Variants in KIF21A observed in about 807,000 individuals in gnomAD.
The protein encoded by KIF21A is kinesin-like protein KIF21A.
A neutral mutation model predicts 202.9 loss-of-function variants in KIF21A; 114 were observed. That is an observed-to-expected ratio of 0.56 (90% CI 0.48 to 0.66). KIF21A has a LOEUF of 0.66. KIF21A is among the 30% of genes least tolerant of loss of function. The pLI is 0.00. For missense variants in KIF21A, 1,677 were observed against 1,994.9 expected (o/e 0.84, Z 3.04); for synonymous variants, 667 against 670.8 (o/e 0.99, Z 0.09).
rs1946580766 is a variant in KIF21A at position 39,332,403 on chromosome 12, C to G, written c.2862G>C (p.Arg954=). The G allele has an allele frequency of 5.0e-6, 8 of 1,613,554 alleles. No homozygotes were observed. In the South Asian group the frequency reaches 8.8e-5, roughly 18 times the overall value. Residue 954 remains arginine (R), a synonymous_variant, in exon 21 of 38, where the codon CGG becomes CGC. Transcript: ENST00000361418. ...EADMNRLLKQ[R]EELTKRREKL... is the part of the protein sequence containing the mutation. ...TCTCTCGTCTTTTTGTGAGTTCCTC[C>G]CGTTGCTATTGAGAAAGCAGGTTGG...
intron 1 of KIF21A, among the ~76,000 whole-genome samples, chr12:39,370,650 A>C (rs1186091859): frequency 6.6e-6 from 1 of 152,094 alleles, no homozygotes; most frequent in Non-Finnish European, 1.5e-5. Flanking sequence ...CAGTGATGAT[A>C]GTATGGAAAA....
At chr12:39,315,062 A>C (rs1440814625) in intron 31 of KIF21A, among the ~76,000 whole-genome samples, 167 bp downstream of exon 31, 1 of 152,030 alleles carries the variant, frequency 6.6e-6, no homozygotes, top group African/African-American at 2.4e-5. Flanking sequence ...ACATTTTGAA[A>C]TATAAAATCA....
chr12:39,299,058 G>C (rs1485739847), intron 37 of KIF21A, among the ~76,000 whole-genome samples: 1 of 151,996 alleles, frequency 6.6e-6, no homozygotes, highest in African/African-American at 2.4e-5. Flanking sequence ...TTATTTTCCT[G>C]TGATTTTGAA....
At chr12:39,351,209 T>C (rs1036327886) in intron 11 of KIF21A, among the ~76,000 whole-genome samples, 1 of 152,016 alleles carries the variant, frequency 6.6e-6, no homozygotes, top group African/African-American at 2.4e-5. Flanking sequence ...CCCAGAACAG[T>C]GGTGAAAAGC....
intron 21 of KIF21A, 63 bp from the exon 22 acceptor site, chr12:39,331,854 T>C: frequency 1.7e-6 from 2 of 1,208,928 alleles, no homozygotes; most frequent in Non-Finnish European, 2.5e-6. Flanking sequence ...GGCAACAGCC[T>C]ATTGTTTCAC....
chr12:39,325,690 A>C, intron 26 of KIF21A, 149 bp downstream of exon 26: 2 of 632,702 alleles, frequency 3.2e-6, no homozygotes, highest in Non-Finnish European at 5.5e-6. Flanking sequence ...AAAGGGAAAT[A>C]TGATTAAAAA....
intron 27 of KIF21A, 82 bp downstream of exon 27, chr12:39,322,586 T>C (rs1945398201): frequency 5.9e-6 from 6 of 1,012,686 alleles, no homozygotes; most frequent in East Asian, 2.6e-5. Context: ...TTTTAAATAA[T>C]AGAAATAAGA....
chr12:39,310,085 T>C (rs1943879810), intron 32 of KIF21A, among the ~76,000 whole-genome samples: 2 of 152,098 alleles, frequency 1.3e-5, no homozygotes, highest in Non-Finnish European at 2.9e-5. Context: ...AATGGCAGTC[T>C]CAGATCAGCC....
At chr12:39,315,884 G>C (rs1430725081) in intron 30 of KIF21A, 48 bp downstream of exon 30, 1 of 1,413,914 alleles carries the variant, frequency 7.1e-7, no homozygotes, top group African/African-American at 1.4e-5. Context: ...AGGCACTTTA[G>C]AACATCAATG....
intron 1 of KIF21A, among the ~76,000 whole-genome samples, chr12:39,410,038 C>T (rs1952955904): frequency 6.6e-6 from 1 of 152,062 alleles, no homozygotes; most frequent in African/African-American, 2.4e-5. Flanking sequence ...ACCATGTTGG[C>T]CAGGCTGGTC....
At chr12:39,391,813 C>A (rs1019383498) in intron 1 of KIF21A, among the ~76,000 whole-genome samples, 2 of 152,068 alleles carry the variant, frequency 1.3e-5, no homozygotes, top group Non-Finnish European at 2.9e-5. Flanking sequence ...AATCTCGGCT[C>A]ACTGCAACCT....
intron 12 of KIF21A, among the ~76,000 whole-genome samples, chr12:39,343,316 C>A (rs1041683930): frequency 2.0e-5 from 3 of 151,834 alleles, no homozygotes; most frequent in African/African-American, 7.3e-5. Flanking sequence ...GGCAAGATTG[C>A]GCCACTGCAC....
chr12:39,394,664 C>G (rs866985484), intron 1 of KIF21A, among the ~76,000 whole-genome samples: 1 of 151,992 alleles, frequency 6.6e-6, no homozygotes, highest in Non-Finnish European at 1.5e-5. Context: ...AGAGCTCCCG[C>G]ACTGGAGTCA....
In KIF21A at chr12:39,330,919, A is replaced by G; in HGVS notation, c.3154-8T>C. The G allele has an allele frequency of 6.2e-7, 1 of 1,613,794 alleles. No homozygotes were observed. The stretch of plus-strand genomic sequence containing the variant: ...CTGGGCAGCCTGAAGACCCTGAAAC[A>G]CAACAAAAAATTATCTTAGGTCATA... On this transcript the variant is annotated splice_polypyrimidine_tract_variant and splice_region_variant and intron_variant, in intron 22 of 37. Coordinates refer to ENST00000361418, the MANE Select transcript of KIF21A (RefSeq NM_001173464.2).
intron 1 of KIF21A, among the ~76,000 whole-genome samples, chr12:39,385,141 G>A (rs1456060896): frequency 6.6e-6 from 1 of 152,150 alleles, no homozygotes; most frequent in Non-Finnish European, 1.5e-5. Flanking sequence ...ATCATTGGGT[G>A]TCACCTTGGG....
At position 39,294,217 on chromosome 12, in the gene KIF21A, T is replaced by C; in HGVS notation, c.*207A>G. 1.9e-6 allele frequency: 1 copy of C among 517,290 alleles called. No individual in the cohort carries two copies. Among genetic ancestry groups the C allele is most frequent in the Non-Finnish European group, 3.5e-6 (1 of 285,376 alleles). The allele number at this position is 517,290 out of a possible 1,614,324, so 32.0% of individuals were successfully genotyped here. A position where few individuals can be genotyped will look rare whatever the true frequency, so the allele number is the denominator to read the frequency against. ...AAAGCAATATATCAATTGTAGGATA[T>C]ATATCTATTGGTTGATCTTAAAACT... On this transcript the variant is annotated 3_prime_UTR_variant, in exon 38 of 38. Transcript: ENST00000361418.
intron 31 of KIF21A, chr12:39,312,455 T>G (rs867392152): frequency 6.6e-6 from 1 of 151,940 alleles, no homozygotes. Flanking sequence ...ACCTACTATT[T>G]GATAGCCCAA....
intron 1 of KIF21A, among the ~76,000 whole-genome samples, chr12:39,372,143 TC>T (rs1296136925): frequency 1.3e-5 from 2 of 152,094 alleles, no homozygotes; most frequent in African/African-American, 4.8e-5. Flanking sequence ...TCTAACTCTT[TC>T]CAGTTCATTA....
rs1287405376 is a variant in KIF21A, at chr12:39,358,210, G to A, written c.1183C>T (p.Arg395Ter). The change falls in exon 8 of 38, where the codon CGA (arginine) becomes TGA (stop). Residue 395 changes from arginine to a stop codon, truncating the protein, a stop_gained. Transcript: ENST00000361418. LOFTEE classifies it high-confidence loss of function. ...QINALRSEIT[R>*]LQMELMEYKT... ...TACTCCATGAGCTCCATCTGAAGTCGTGTGATTTCACTACGAAGTGCATTG... is the reference window on the plus strand; with the variant it reads ...TACTCCATGAGCTCCATCTGAAGTCATGTGATTTCACTACGAAGTGCATTG... The A allele has an allele frequency of 6.2e-7, 1 of 1,613,976 alleles. No individual in the cohort carries two copies.
Sources: gnomAD v4.1 joint callset for allele counts (sites outside exome capture counted in the v4.1 genomes callset) on GRCh38, gnomAD v4.1.1 for gene constraint, MANE v1.5 for transcripts, NCBI Gene and HGNC (gene_info 2026-07-23, HGNC 2026-07-21) for gene names.